RALYL: variants seen among roughly 807,000 people sequenced by gnomAD.
The protein encoded by RALYL is RALY RNA binding protein like, also known as RNA-binding Raly-like protein.
Under a neutral mutation model 35.1 loss-of-function variants are expected in RALYL, and 29 were observed. The observed-to-expected ratio is 0.83, with a 90% confidence interval of 0.61 to 1.13. RALYL has a LOEUF of 1.13. Among genes scored for constraint, RALYL ranks in the 50% most tolerant of loss-of-function variants. RALYL has a pLI of 0.00. For synonymous variants in RALYL, 120 were observed against 127.6 expected, an observed-to-expected ratio of 0.94 and a Z score of 0.40; for missense variants, 359 against 360.4, an observed-to-expected ratio of 1.00 and a Z score of 0.03.
intron 2 of RALYL, among the ~76,000 whole-genome samples, chr8:84,754,181 T>C (rs533179217): frequency 6.6e-6 from 1 of 152,246 alleles, no homozygotes; most frequent in South Asian, 2.1e-4. Flanking sequence ...TTGTTGCCAT[T>C]GCTTTTGGTG....
At position 84,807,337 on chromosome 8, in the gene RALYL, C is replaced by T. The variant is rs764595826; in HGVS notation, c.365+2535C>T. On this transcript the variant is annotated intron_variant, in intron 4 of 8. Coordinates refer to ENST00000521268, the MANE Select transcript of RALYL (RefSeq NM_173848.7). ...GTCTCATCCAGGTTACTGCAAACGCCGTTAATTTGTTTCTTTTTATGGCTG... is the reference window on the plus strand; with the variant it reads ...GTCTCATCCAGGTTACTGCAAACGCTGTTAATTTGTTTCTTTTTATGGCTG... 3.9e-5 allele frequency among the ~76,000 whole-genome samples: 6 copies of T among 152,114 alleles called. No homozygotes were observed. The East Asian group carries it at 5.8e-4, about 15-fold the overall frequency.
At chr8:84,864,670 G>A (rs948271137) in intron 6 of RALYL, 3 of 415,588 alleles carry the variant, frequency 7.2e-6, no homozygotes, top group African/African-American at 6.1e-5. Context: ...AGGGATTACT[G>A]CAGAGAGACA....
At chr8:84,683,564 G>A (rs1836093102) in intron 2 of RALYL, among the ~76,000 whole-genome samples, 2 of 152,234 alleles carry the variant, frequency 1.3e-5, no homozygotes, top group Middle Eastern at 3.4e-3. Context: ...TTGTTCAATG[G>A]ATGTTGAAAG....
At chr8:84,187,544 C>A (rs950104845) in intron 1 of RALYL, among the ~76,000 whole-genome samples, 1 of 151,938 alleles carries the variant, frequency 6.6e-6, no homozygotes, top group African/African-American at 2.4e-5. Context: ...AAAGACACAT[C>A]CTTAGCCATA....
chr8:84,562,757 C>T (rs2061545948), intron 2 of RALYL, among the ~76,000 whole-genome samples: 1 of 151,904 alleles, frequency 6.6e-6, no homozygotes, highest in Non-Finnish European at 1.5e-5. Flanking sequence ...TAGAGGCCTA[C>T]TGAATCAGAT....
At chr8:84,829,352 A>G (rs1411231698) in intron 4 of RALYL, 1 of 152,684 alleles carries the variant, frequency 6.5e-6, no homozygotes, top group African/African-American at 2.4e-5. Context: ...CAGTAGACAA[A>G]GAGGCCTTAA....
chr8:84,425,583 CT>C (rs1273077523), intron 1 of RALYL, among the ~76,000 whole-genome samples: 1 of 152,118 alleles, frequency 6.6e-6, no homozygotes, highest in African/African-American at 2.4e-5. Flanking sequence ...CTGGTCTTAA[CT>C]TTTATGAACT....
chr8:84,671,840 A>G (rs879412125), intron 2 of RALYL, among the ~76,000 whole-genome samples: 3 of 152,162 alleles, frequency 2.0e-5, no homozygotes, highest in Non-Finnish European at 4.4e-5. Flanking sequence ...CATTTTCCCC[A>G]TTGTCTTGGC....
At chr8:84,540,696 C>A (rs974911153) in intron 2 of RALYL, among the ~76,000 whole-genome samples, 1 of 151,898 alleles carries the variant, frequency 6.6e-6, no homozygotes, top group Non-Finnish European at 1.5e-5. Context: ...AACTAGGAAG[C>A]ATTCCTACTT....
intron 2 of RALYL, among the ~76,000 whole-genome samples, chr8:84,533,902 T>G (rs1045522823): frequency 2.6e-5 from 4 of 152,218 alleles, no homozygotes; most frequent in African/African-American, 9.6e-5. Flanking sequence ...TTCAAATGCT[T>G]GTAACAATTC....
At chr8:84,269,465 T>C (rs1052712215) in intron 1 of RALYL, among the ~76,000 whole-genome samples, 2 of 152,208 alleles carry the variant, frequency 1.3e-5, no homozygotes, top group Admixed American at 1.3e-4. Context: ...TATTATTTGT[T>C]GTCTGATTTA....
intron 4 of RALYL, among the ~76,000 whole-genome samples, chr8:84,809,279 C>T (rs904974468): frequency 2.0e-5 from 3 of 152,156 alleles, no homozygotes; most frequent in East Asian, 1.9e-4. Flanking sequence ...TGTGGTATAT[C>T]ACATTTATTG....
At chr8:84,257,806 A>G (rs1831476829) in intron 1 of RALYL, among the ~76,000 whole-genome samples, 1 of 152,152 alleles carries the variant, frequency 6.6e-6, no homozygotes, top group African/African-American at 2.4e-5. Flanking sequence ...AAAATAGGCA[A>G]AAATGTTTGC....
chr8:84,917,042 T>A (rs977800275), intron 8 of RALYL, among the ~76,000 whole-genome samples: 2 of 152,128 alleles, frequency 1.3e-5, no homozygotes, highest in Non-Finnish European at 2.9e-5. Context: ...ATAAAACATC[T>A]TAGCATACCA....
chr8:84,634,303 CCT>C (rs888241584), intron 2 of RALYL, among the ~76,000 whole-genome samples: 4 of 151,754 alleles, frequency 2.6e-5, no homozygotes, highest in Non-Finnish European at 4.4e-5. Flanking sequence ...ATACTCTTCC[CCT>C]GTCTTTGTGT....
At chr8:84,483,133 A>G (rs2054223108) in intron 1 of RALYL, among the ~76,000 whole-genome samples, 1 of 152,120 alleles carries the variant, frequency 6.6e-6, no homozygotes, top group Non-Finnish European at 1.5e-5. Context: ...AATGAGAGCT[A>G]GCATTTAAAA....
Position 84,921,545 on chromosome 8 carries a change from T to C in RALYL, c.*634T>C. 1 of 152,212 alleles carries C rather than the reference T, an allele frequency of 6.6e-6. No homozygotes were observed. Among genetic ancestry groups the C allele is most frequent in the East Asian group, 1.9e-4 (1 of 5,202 alleles). 9.4% of individuals were successfully genotyped at this position (152,212 alleles called of 1,614,324 possible). On this transcript the variant is annotated 3_prime_UTR_variant, in exon 9 of 9. Transcript: ENST00000521268. ...TGATTAAGTTGAGCATGCTCCGCTCTACTGAACTAAATGATCCAATTATTA... is the reference window on the plus strand; with the variant it reads ...TGATTAAGTTGAGCATGCTCCGCTCCACTGAACTAAATGATCCAATTATTA...
At chr8:84,912,446 CAAT>C (rs1440082290) in intron 8 of RALYL, among the ~76,000 whole-genome samples, 1 of 151,986 alleles carries the variant, frequency 6.6e-6, no homozygotes. Context: ...TTAAAAAGGT[CAAT>C]AATGTTTATT....
At chr8:84,262,909 G>A (rs1423280137) in intron 1 of RALYL, among the ~76,000 whole-genome samples, 2 of 152,106 alleles carry the variant, frequency 1.3e-5, no homozygotes, top group East Asian at 3.9e-4. Context: ...CTCTAGCTAA[G>A]GGTAATGGTC....
Sources: gnomAD v4.1 joint callset for allele counts (sites outside exome capture counted in the v4.1 genomes callset) on GRCh38, gnomAD v4.1.1 for gene constraint, MANE v1.5 for transcripts, NCBI Gene and HGNC (gene_info 2026-07-23, HGNC 2026-07-21) for gene names.